The following RAB3C variants were observed in gnomAD, a reference collection of about 807,000 sequenced individuals.
The protein encoded by RAB3C is ras-related protein Rab-3C.
RAB3C carries 17 observed loss-of-function variants against 26.4 expected under a neutral mutation model. The ratio of observed to expected loss-of-function variants is 0.64; its 90% CI spans 0.44 to 0.97. RAB3C has a LOEUF of 0.97. RAB3C is among the 50% of genes least tolerant of loss of function. The pLI is 0.00. For missense variants in RAB3C, 242 were observed against 281.9 expected (o/e 0.86, Z 1.01); for synonymous variants, 91 against 95.9 (o/e 0.95, Z 0.30).
intron 2 of RAB3C, among the ~76,000 whole-genome samples, chr5:58,651,410 G>T (rs889305440): frequency 6.6e-6 from 1 of 152,146 alleles, no homozygotes; most frequent in Non-Finnish European, 1.5e-5. Flanking sequence ...TGATGGTAAT[G>T]GTAGAGGTGA....
At chr5:58,595,930 G>C (rs1746237588) in intron 1 of RAB3C, among the ~76,000 whole-genome samples, 1 of 152,080 alleles carries the variant, frequency 6.6e-6, no homozygotes, top group Non-Finnish European at 1.5e-5. Context: ...TCTGCATATA[G>C]AAAGTGTGAA....
intron 2 of RAB3C, among the ~76,000 whole-genome samples, chr5:58,627,389 CGGGAAGCG>C (rs957806584): frequency 2.3e-4 from 19 of 83,606 alleles, no homozygotes; most frequent in Admixed American, 1.6e-3. Context: ...GGCGTGAACC[CGGGAAGCG>C]GAGCTTGCAG....
At chr5:58,651,160 A>G (rs1747640133) in intron 2 of RAB3C, among the ~76,000 whole-genome samples, 1 of 152,174 alleles carries the variant, frequency 6.6e-6, no homozygotes, top group African/African-American at 2.4e-5. Flanking sequence ...AGAAGTAGCA[A>G]CCCCAGTGCT....
chr5:58,608,163 T>A (rs1489271544), intron 1 of RAB3C, among the ~76,000 whole-genome samples: 3 of 152,038 alleles, frequency 2.0e-5, no homozygotes, highest in African/African-American at 7.3e-5. Flanking sequence ...TCCAAACCCA[T>A]CAGTGTACTG....
chr5:58,584,949 T>A (rs1191108863), intron 1 of RAB3C, among the ~76,000 whole-genome samples: 7 of 152,080 alleles, frequency 4.6e-5, no homozygotes, highest in Admixed American at 4.6e-4. Flanking sequence ...ACCAACTATG[T>A]AGTAGGCACT....
At chr5:58,665,159 AAAT>A (rs1186981884) in intron 2 of RAB3C, among the ~76,000 whole-genome samples, 2 of 152,198 alleles carry the variant, frequency 1.3e-5, no homozygotes, top group Non-Finnish European at 2.9e-5. Flanking sequence ...TGATGAGCAA[AAAT>A]AAGTCGGAAA....
At chr5:58,811,720 C>T (rs1274772778) in intron 3 of RAB3C, among the ~76,000 whole-genome samples, 1 of 152,064 alleles carries the variant, frequency 6.6e-6, no homozygotes, top group African/African-American at 2.4e-5. Context: ...CTCACTTTGC[C>T]CCAGGACAGT....
chr5:58,809,601 T>C (rs1743024162), intron 3 of RAB3C, among the ~76,000 whole-genome samples: 1 of 152,056 alleles, frequency 6.6e-6, no homozygotes, highest in Non-Finnish European at 1.5e-5. Flanking sequence ...AGTTCACACG[T>C]TGAAGCCCCA....
At chr5:58,602,662 C>A (rs1391295447) in intron 1 of RAB3C, among the ~76,000 whole-genome samples, 1 of 152,130 alleles carries the variant, frequency 6.6e-6, no homozygotes. Flanking sequence ...AAATAGCTAT[C>A]CCTGCTCACT....
At chr5:58,786,357 C>A (rs1742380820) in intron 3 of RAB3C, among the ~76,000 whole-genome samples, 2 of 152,106 alleles carry the variant, frequency 1.3e-5, no homozygotes, top group African/African-American at 4.8e-5. Flanking sequence ...AGGCAGCTGG[C>A]TGGTCCATCA....
intron 2 of RAB3C, among the ~76,000 whole-genome samples, chr5:58,671,056 A>G (rs1273773324): frequency 6.6e-6 from 1 of 152,134 alleles, no homozygotes; most frequent in African/African-American, 2.4e-5. Flanking sequence ...TAAAGTGGCC[A>G]GATTGAATTA....
chr5:58,849,467 A>G (rs1326342705), intron 4 of RAB3C, among the ~76,000 whole-genome samples: 1 of 152,170 alleles, frequency 6.6e-6, no homozygotes, highest in African/African-American at 2.4e-5. Context: ...AAGTTGAACG[A>G]TCTAGCTCTA....
At position 58,703,302 on chromosome 5, in the gene RAB3C, C is replaced by T. The variant is rs535359758; in HGVS notation, c.253-22700C>T. ...GATTCAAGCGATTTTCCTGCTTCAG[C>T]CTCGCAAGTAGCTGGGATTACAGGC... On this transcript the variant is annotated intron_variant, in intron 2 of 4. Coordinates refer to ENST00000282878, the MANE Select transcript of RAB3C (RefSeq NM_138453.4). 4.6e-4 allele frequency among the ~76,000 whole-genome samples: 70 copies of T among 152,252 alleles called. 1 individual carries two copies. Among genetic ancestry groups the T allele is most frequent in the African/African-American group, 1.6e-3 (67 of 41,538 alleles).
chr5:58,771,622 G>A (rs941568160), intron 3 of RAB3C, among the ~76,000 whole-genome samples: 6 of 152,042 alleles, frequency 3.9e-5, no homozygotes, highest in African/African-American at 1.2e-4. Flanking sequence ...ATAATTTTCA[G>A]AGTCTAGGTA....
chr5:58,836,207 A>C (rs930369489), intron 4 of RAB3C, among the ~76,000 whole-genome samples: 5 of 152,156 alleles, frequency 3.3e-5, no homozygotes, highest in Non-Finnish European at 7.3e-5. Context: ...TCTAGATCAA[A>C]GAAAAGGGAA....
intron 2 of RAB3C, among the ~76,000 whole-genome samples, chr5:58,693,637 C>A (rs1480791765): frequency 1.3e-5 from 2 of 152,098 alleles, no homozygotes; most frequent in African/African-American, 4.8e-5. Context: ...GCAAAAGCTA[C>A]CATAGATGGT....
intron 2 of RAB3C, among the ~76,000 whole-genome samples, chr5:58,625,009 T>A (rs1309053866): frequency 6.6e-6 from 1 of 152,204 alleles, no homozygotes; most frequent in Non-Finnish European, 1.5e-5. Flanking sequence ...ATGCTATTCT[T>A]GTCTTTAGTT....
rs1561305143 is a variant in RAB3C, at chr5:58,737,419, AT to A, written c.371+11300del. On this transcript the variant is annotated intron_variant, in intron 3 of 4. Coordinates refer to ENST00000282878, the MANE Select transcript of RAB3C (RefSeq NM_138453.4). ...AATATATATATATATATATATATAT[AT>A]ATATATATATATATATATATATATA... Among the ~76,000 whole-genome samples the A allele has an allele frequency of 1.6e-3, 145 of 92,872 alleles. 4 individuals carry two copies. Among genetic ancestry groups the A allele is most frequent in the Admixed American group, 3.7e-3 (34 of 9,242 alleles). 60.9% of individuals were successfully genotyped at this position (92,872 alleles called of 152,430 possible).
chr5:58,803,526 T>TA (rs1742859936), intron 3 of RAB3C, among the ~76,000 whole-genome samples: 1 of 152,144 alleles, frequency 6.6e-6, no homozygotes. Context: ...TCTGTAAAAA[T>TA]AAAAATAAAT....
Sources: allele counts gnomAD v4.1 joint callset (sites outside exome capture counted in the v4.1 genomes callset), GRCh38; gene constraint gnomAD v4.1.1; transcripts MANE v1.5; gene names NCBI Gene and HGNC (gene_info 2026-07-23, HGNC 2026-07-21).